Variants in ANKZF1 observed in about 807,000 individuals in gnomAD.
The protein encoded by ANKZF1 is tRNA endonuclease ANKZF1.
In ANKZF1, 84 loss-of-function variants were observed where a neutral mutation model predicts 86.0. That is an observed-to-expected ratio of 0.98 (90% CI 0.82 to 1.17). The LOEUF (loss-of-function observed/expected upper bound fraction) is 1.17. Ranked by LOEUF, ANKZF1 falls within the 50% of genes most tolerant of loss-of-function variation. The probability of loss-of-function intolerance (pLI) is 0.00; values close to 1 mark genes in which losing one functional copy is unlikely to be tolerated. For synonymous variants in ANKZF1, 331 were observed against 354.2 expected (o/e 0.93, Z 0.74); for missense variants, 893 against 918.4 (o/e 0.97, Z 0.36).
Position 219,235,996 on chromosome 2 carries a change from C to T in ANKZF1, c.1972-14C>T, listed in dbSNP as rs776655789. The T allele has an allele frequency of 5.0e-6, 8 of 1,614,208 alleles. No homozygotes were observed. In the East Asian group the frequency reaches 1.3e-4, roughly 27 times the overall value. On this transcript the variant is annotated splice_polypyrimidine_tract_variant and intron_variant, in intron 12 of 13. Transcript: ENST00000323348. ...CACTGGGGCCTTGTCCTTAACACAA[C>T]TTGTCTCCCTCAGAGAGCTCTGGCT...
Position 219,236,363 on chromosome 2 carries a change from C to T in ANKZF1, c.2099C>T (p.Pro700Leu). ...SCGASLQGLT[P>L]FHYLDFSFCS... is the part of the protein sequence containing the mutation. ...GGGGCATCCCTCCAAGGCCTGACTC[C>T]CTTTCACTACCTCGACTTCTCTTTC... is the stretch of plus-strand genomic sequence containing the variant. The change falls in exon 14 of 14, where the codon CCC (proline) becomes CTC (leucine). Residue 700 changes from proline (P) to leucine (L), a missense_variant. Physicochemically the swap from Pro to Leu is moderately conservative, Grantham distance 98. Coordinates refer to ENST00000323348, the MANE Select transcript of ANKZF1 (RefSeq NM_018089.3). The T allele has an allele frequency of 1.2e-6, 2 of 1,614,138 alleles. No homozygotes were observed. The highest frequency in any genetic ancestry group is 2.2e-5 in the South Asian group (2 of 91,086).
In ANKZF1 at chr2:219,236,017, T is replaced by C. The variant is rs1252649946; in HGVS notation, c.1979T>C (p.Leu660Pro). Residue 660 changes from leucine (L) to proline (P), a missense_variant, in exon 13 of 14, where the codon CTG (leucine) becomes CCG (proline). Physicochemically the swap from Leu to Pro is moderately conservative, Grantham distance 98. Coordinates refer to ENST00000323348, the MANE Select transcript of ANKZF1 (RefSeq NM_018089.3). ...ACAACTTGTCTCCCTCAGAGAGCTC[T>C]GGCTGCAGAGCGCCGACTCGCTGCC... ...AALSDREKRA[L>P]AAERRLAAQL... 5.6e-6 allele frequency: 9 copies of C among 1,614,198 alleles called. No individual in the cohort carries two copies. Among genetic ancestry groups the C allele is most frequent in the Non-Finnish European group, 7.6e-6 (9 of 1,180,026 alleles).
chr2:219,231,891 C>A (rs1328730312), intron 2 of ANKZF1, 37 bp from the exon 3 acceptor site: 2 of 1,550,262 alleles, frequency 1.3e-6, no homozygotes, highest in Admixed American at 1.7e-5. Flanking sequence ...TGGATTTGGG[C>A]TCCCTTTCTA....
intron 2 of ANKZF1, 165 bp from the exon 3 acceptor site, chr2:219,231,763 C>G: frequency 1.5e-5 from 9 of 598,390 alleles, no homozygotes; most frequent in South Asian, 6.1e-5. Context: ...TAAGTGATTG[C>G]TGTACTGTTT....
Position 219,232,498 on chromosome 2 carries a change from T to C in ANKZF1, c.373T>C (p.Ser125Pro). 1 of 1,614,166 alleles carries C rather than the reference T, an allele frequency of 6.2e-7. No homozygotes were observed. Among genetic ancestry groups the C allele is most frequent in the Non-Finnish European group, 8.5e-7 (1 of 1,180,020 alleles). Reference protein sequence around the residue: ...FEKQSSTGDLSSISGSEDSDS... With the variant: ...FEKQSSTGDLPSISGSEDSDS... ...ATATTGTCTGTCTTCAGGAGATCTT[T>C]CCAGCATCTCGGGATCAGAAGACTC... The change falls in exon 5 of 14, where the codon TCC becomes CCC. Residue 125 changes from serine to proline, a missense_variant. Coordinates refer to ENST00000323348, the MANE Select transcript of ANKZF1 (RefSeq NM_018089.3).
At chr2:219,231,726 A>G (rs1401092283) in intron 2 of ANKZF1, 2 of 529,938 alleles carry the variant, frequency 3.8e-6, no homozygotes, top group South Asian at 2.2e-5. Flanking sequence ...TTTTACGTAC[A>G]TGTTTTCAGA....
chr2:219,235,076 G>C lies in ANKZF1; in HGVS notation c.1455G>C (p.Glu485Asp). The stretch of plus-strand genomic sequence containing the variant: ...CCCCCTTGGGCCCTTTGCTGGATGA[G>C]GCCAAAGCCCCTGGTCAGCCAGAGC... ...VAAPLGPLLD[E>D]AKAPGQPELW... The change falls in exon 10 of 14, where the codon GAG becomes GAC. Residue 485 changes from glutamate (E) to aspartate (D), a missense_variant. By Grantham distance (45) the Glu-to-Asp change is conservative. Coordinates refer to ENST00000323348, the MANE Select transcript of ANKZF1 (RefSeq NM_018089.3). The C allele has an allele frequency of 6.2e-7, 1 of 1,614,194 alleles. No individual in the cohort carries two copies. Among genetic ancestry groups the C allele is most frequent in the Non-Finnish European group, 8.5e-7 (1 of 1,180,050 alleles).
chr2:219,231,050 A>T (rs1951018599), intron 2 of ANKZF1: 1 of 152,256 alleles, frequency 6.6e-6, no homozygotes, highest in African/African-American at 2.4e-5. Context: ...GTTTTGTGTA[A>T]CTTTAGTTTG....
At chr2:219,232,867 T>A in intron 5 of ANKZF1, 184 bp downstream of exon 5, 2 of 853,296 alleles carry the variant, frequency 2.3e-6, no homozygotes, top group Non-Finnish European at 3.6e-6. Context: ...GTAATGGAAT[T>A]AAGTTTGGAA....
chr2:219,236,678 C>T lies in ANKZF1; in HGVS notation c.*233C>T, dbSNP rs1177559755. 2 of 557,658 alleles carry T rather than the reference C, an allele frequency of 3.6e-6. No homozygotes were observed. The highest frequency in any genetic ancestry group is 6.0e-6 in the Non-Finnish European group (2 of 335,710). 34.5% of individuals were successfully genotyped at this position (557,658 alleles called of 1,614,324 possible). Reference sequence around the variant, plus strand: ...GTGTACTTGTACTTACATTCAGAGGCACTGTGGCCTTTAGTTCCTTAGGGT... The same window carrying T: ...GTGTACTTGTACTTACATTCAGAGGTACTGTGGCCTTTAGTTCCTTAGGGT... On this transcript the variant is annotated 3_prime_UTR_variant, in exon 14 of 14. Coordinates refer to ENST00000323348, the MANE Select transcript of ANKZF1 (RefSeq NM_018089.3).
At position 219,233,874 on chromosome 2, in the gene ANKZF1, G is replaced by A. The variant is rs371350979; in HGVS notation, c.979G>A (p.Ala327Thr). The A allele has an allele frequency of 1.3e-5, 21 of 1,611,504 alleles. No homozygotes were observed. Among genetic ancestry groups the A allele is most frequent in the African/African-American group, 9.4e-5 (7 of 74,812 alleles). Residue 327 changes from alanine to threonine, a missense_variant, in exon 8 of 14, where the codon GCC (alanine) becomes ACC (threonine). Physicochemically the swap from Ala to Thr is moderately conservative, Grantham distance 58. Coordinates refer to ENST00000323348, the MANE Select transcript of ANKZF1 (RefSeq NM_018089.3). ...TCCCCGACTTTGGGATATCCCCCTC[G>A]CCACCCGCAGACCCACCTTCCAAGA... ...GDPRLWDIPLATRRPTFQELQ... is the reference protein window; with the variant it reads ...GDPRLWDIPLTTRRPTFQELQ...
rs1951133389 is a variant in ANKZF1 at position 219,234,168 on chromosome 2, C to T, written c.1084C>T (p.Pro362Ser). The T allele has an allele frequency of 1.2e-6, 2 of 1,614,090 alleles. No homozygotes were observed. Among genetic ancestry groups the T allele is most frequent in the South Asian group, 1.1e-5 (1 of 91,080 alleles). The change falls in exon 9 of 14, where the codon CCT (proline) becomes TCT (serine). Residue 362 changes from proline to serine, a missense_variant. Physicochemically the swap from Pro to Ser is moderately conservative, Grantham distance 74. Transcript: ENST00000323348. ...DPREAVRLHSPQTHWKTVREE... is the reference protein window; with the variant it reads ...DPREAVRLHSSQTHWKTVREE... ...TCGGGAAGCAGTCAGACTGCACTCA[C>T]CTCAGACACACTGGAAAACAGTAAG...
In ANKZF1 at chr2:219,233,818, G is replaced by A. The variant is rs1411504743; in HGVS notation, c.923G>A (p.Gly308Glu). ...CGCTCTGGCCGGTCTTTGTTCTTTG[G>A]AGGCAAGGGAGCACCCCTGCAAAGG... Reference protein sequence around the residue: ...APRSGRSLFFGGKGAPLQRGD... With the variant: ...APRSGRSLFFEGKGAPLQRGD... Residue 308 changes from glycine (G) to glutamate (E), a missense_variant, in exon 8 of 14, where the codon GGA becomes GAA. Transcript: ENST00000323348. The A allele has an allele frequency of 1.9e-6, 3 of 1,614,092 alleles. No individual in the cohort carries two copies. The highest frequency in any genetic ancestry group is 2.5e-6 in the Non-Finnish European group (3 of 1,179,996).
Position 219,235,713 on chromosome 2 carries a change from A to G in ANKZF1, c.1809A>G (p.Pro603=), listed in dbSNP as rs1951196236. Residue 603 remains proline (P), a synonymous_variant, in exon 12 of 14, where the codon CCA becomes CCG. Transcript: ENST00000323348. ...DAYDYNKAQV[P]GPLTPEMEAR... is the part of the protein sequence containing the mutation. ...TTATATTTGAAATCCTCCAGGTGCC[A>G]GGACCATTGACACCAGAAATGGAGG... 1 of 1,614,134 alleles carries G rather than the reference A, an allele frequency of 6.2e-7. No homozygotes were observed. Among genetic ancestry groups the G allele is most frequent in the East Asian group, 2.2e-5 (1 of 44,888 alleles).
intron 4 of ANKZF1, 30 bp from the exon 5 acceptor site, chr2:219,232,460 A>C (rs778301329): frequency 5.0e-6 from 8 of 1,612,328 alleles, no homozygotes; most frequent in Non-Finnish European, 5.9e-6. Flanking sequence ...GGGGTACCAA[A>C]CTTGTGTATC....
chr2:219,231,599 T>C, intron 2 of ANKZF1: 2 of 253,482 alleles, frequency 7.9e-6, no homozygotes, highest in Non-Finnish European at 1.6e-5. Context: ...TTTCACCGTG[T>C]TAGCCAGGAT....
chr2:219,233,923 T>C lies in ANKZF1; in HGVS notation c.1028T>C (p.Leu343Pro), dbSNP rs765987280. ...GAGCTACAGCGTGTGCTCCATAAGC[T>C]GACCACTTTGCATGTCTATGGTGAG... ...FQELQRVLHK[L>P]TTLHVYEEDP... Residue 343 changes from leucine (L) to proline (P), a missense_variant, in exon 8 of 14, where the codon CTG becomes CCG. By Grantham distance (98) the Leu-to-Pro change is moderately conservative. Transcript: ENST00000323348. 3 of 1,583,718 alleles carry C rather than the reference T, an allele frequency of 1.9e-6. No homozygotes were observed. The highest frequency in any genetic ancestry group is 2.2e-5 in the East Asian group (1 of 44,690).
At position 219,232,290 on chromosome 2, in the gene ANKZF1, T is replaced by C; in HGVS notation, c.292T>C (p.Phe98Leu). The change falls in exon 4 of 14, where the codon TTT (phenylalanine) becomes CTT (leucine). Residue 98 changes from phenylalanine (F) to leucine (L), a missense_variant. Physicochemically the swap from Phe to Leu is conservative, Grantham distance 22. Transcript: ENST00000323348. ...ACATTATAAGCTTGACTGGCATCGG[T>C]TTAACCTAAAGCAACGTCTCAAGGA... ...REHYKLDWHR[F>L]NLKQRLKDKP... The C allele has an allele frequency of 6.2e-7, 1 of 1,614,214 alleles. No homozygotes were observed. The highest frequency in any genetic ancestry group is 1.1e-5 in the South Asian group (1 of 91,084).
chr2:219,236,475 A>T lies in ANKZF1; in HGVS notation c.*30A>T, dbSNP rs1308168767. ...TTACAGCTCTACCTGGGGCCAACTC[A>T]GGGACCTGAGAGGGCACATTCACAG... On this transcript the variant is annotated 3_prime_UTR_variant, in exon 14 of 14. Coordinates refer to ENST00000323348, the MANE Select transcript of ANKZF1 (RefSeq NM_018089.3). The T allele has an allele frequency of 6.5e-7, 1 of 1,542,356 alleles. No individual in the cohort carries two copies. The highest frequency in any genetic ancestry group is 1.3e-5 in the South Asian group (1 of 79,938).
Sources: gnomAD v4.1 joint callset for allele counts on GRCh38, gnomAD v4.1.1 for gene constraint, MANE v1.5 for transcripts, NCBI Gene and HGNC (gene_info 2026-07-23, HGNC 2026-07-21) for gene names.